Variants in AFTPH observed in about 807,000 individuals in gnomAD.
AFTPH encodes aftiphilin protein.
AFTPH carries 7 observed loss-of-function variants against 72.5 expected under a neutral mutation model. The observed-to-expected ratio is 0.10, with a 90% CI of 0.05 to 0.18. AFTPH has a LOEUF of 0.18. Among genes scored for constraint, AFTPH ranks in the 10% least tolerant of loss-of-function variants. The probability of loss-of-function intolerance (pLI) is 1.00; values close to 1 mark genes in which losing one functional copy is unlikely to be tolerated. For synonymous variants in AFTPH, 337 were observed against 370.1 expected (o/e 0.91, Z 1.03); for missense variants, 979 against 1,060.5 (o/e 0.92, Z 1.07).
exon 2 of AFTPH, chr2:64,552,001 C>G: frequency 6.2e-7 from 1 of 1,613,852 alleles, no homozygotes; most frequent in Non-Finnish European, 8.5e-7. Flanking sequence ...GGTGAAAAGC[C>G]TCCTTGTCTG....
At chr2:64,532,881 T>A (rs574456565) in intron 1 of AFTPH, among the ~76,000 whole-genome samples, 1 of 152,302 alleles carries the variant, frequency 6.6e-6, no homozygotes, top group East Asian at 1.9e-4. Flanking sequence ...ATGGGAAAAT[T>A]TATTTTGTAG....
At chr2:64,530,022 G>A (rs1021170086) in intron 1 of AFTPH, among the ~76,000 whole-genome samples, 10 of 152,040 alleles carry the variant, frequency 6.6e-5, no homozygotes, top group Non-Finnish European at 1.5e-4. Context: ...CAGGCATGGT[G>A]GCGGCCGCCT....
At chr2:64,560,601 G>T (rs1671663159) in intron 2 of AFTPH, among the ~76,000 whole-genome samples, 1 of 152,146 alleles carries the variant, frequency 6.6e-6, no homozygotes, top group South Asian at 2.1e-4. Flanking sequence ...GGCCGGGCAT[G>T]GTGGCTCATG....
At chr2:64,586,833 C>G (rs887462817) in intron 8 of AFTPH, among the ~76,000 whole-genome samples, 3 of 152,078 alleles carry the variant, frequency 2.0e-5, no homozygotes, top group African/African-American at 7.2e-5. Flanking sequence ...ATCGAAACTC[C>G]TCTCATAGAA....
chr2:64,569,349 T>C (rs977369399), intron 4 of AFTPH, 131 bp downstream of exon 4: 9 of 1,223,514 alleles, frequency 7.4e-6, no homozygotes, highest in Non-Finnish European at 9.0e-6. Flanking sequence ...TGTTCACTTA[T>C]ATTGAATGTG....
rs757559539 is a variant in AFTPH at position 64,551,634 on chromosome 2, C to A, written c.160C>A (p.Arg54Ser). 11 of 1,613,966 alleles carry A rather than the reference C, an allele frequency of 6.8e-6. No individual in the cohort carries two copies. The highest frequency in any genetic ancestry group is 8.5e-6 in the Non-Finnish European group (10 of 1,179,974). Residue 54 changes from arginine (R) to serine (S), a missense_variant, in exon 2 of 9, where the codon CGT becomes AGT. By Grantham distance (110) the Arg-to-Ser change is moderately radical (BLOSUM62 -1). Around this residue, in one of 3 missense-constraint regions of AFTPH, gnomAD observed 498 missense variants for 467.6 expected, o/e 1.06. Transcript: ENST00000238856. ...TGATTTCGATACACCAGATTATACT[C>A]GTCCCAAGGAAGAGTTTGTACCTTC...
At chr2:64,568,054 A>AT (rs1307546021) in intron 3 of AFTPH, among the ~76,000 whole-genome samples, 1 of 152,066 alleles carries the variant, frequency 6.6e-6, no homozygotes, top group Non-Finnish European at 1.5e-5. Context: ...AAAAAAAAAA[A>AT]TTAAGGCTCA....
intron 1 of AFTPH, among the ~76,000 whole-genome samples, chr2:64,548,193 A>G (rs1281992774): frequency 6.2e-5 from 9 of 145,886 alleles, no homozygotes; most frequent in Admixed American, 1.3e-4. Flanking sequence ...GGAGATCGAG[A>G]CCATCCTGGC....
At chr2:64,540,985 G>A (rs574263475) in intron 1 of AFTPH, among the ~76,000 whole-genome samples, 17 of 152,008 alleles carry the variant, frequency 1.1e-4, no homozygotes, top group African/African-American at 3.6e-4. Context: ...AATATTTGCC[G>A]TCAATCACGT....
At chr2:64,584,687 TC>T (rs377625535) in intron 7 of AFTPH, among the ~76,000 whole-genome samples, 1,753 of 150,808 alleles carry the variant, frequency 0.012, 39 homozygotes, top group African/African-American at 0.041. Context: ...AGCTCCGCCT[TC>T]CGGGTTCATG....
chr2:64,585,971 A>C (rs978331176), intron 8 of AFTPH, among the ~76,000 whole-genome samples: 1 of 152,088 alleles, frequency 6.6e-6, no homozygotes, highest in Non-Finnish European at 1.5e-5. Flanking sequence ...TGGTTCTTGG[A>C]ATTTTCATTG....
chr2:64,575,616 C>T (rs546429176), intron 6 of AFTPH, among the ~76,000 whole-genome samples: 87 of 148,828 alleles, frequency 5.8e-4, no homozygotes, highest in African/African-American at 1.8e-3. Flanking sequence ...AACCCTGCCT[C>T]GAAAAAAAAA....
chr2:64,562,314 G>A (rs1671789424), intron 2 of AFTPH, among the ~76,000 whole-genome samples: 1 of 149,582 alleles, frequency 6.7e-6, no homozygotes, highest in African/African-American at 2.5e-5. Context: ...TATGCCCCCT[G>A]CAGTCCTAAA....
chr2:64,579,093 G>A (rs191700226), intron 6 of AFTPH: 129 of 158,528 alleles, frequency 8.1e-4, no homozygotes, highest in Non-Finnish European at 9.0e-4. Context: ...CTGGAAAATT[G>A]TAAGGAACCA....
intron 1 of AFTPH, among the ~76,000 whole-genome samples, chr2:64,543,167 C>G (rs920035647): frequency 6.6e-6 from 1 of 152,152 alleles, no homozygotes; most frequent in Admixed American, 6.5e-5. Context: ...ATGCTGTTGG[C>G]TATTTGGATA....
intron 1 of AFTPH, among the ~76,000 whole-genome samples, chr2:64,546,580 T>TC (rs1301815807): frequency 6.6e-6 from 1 of 152,140 alleles, no homozygotes; most frequent in Non-Finnish European, 1.5e-5. Flanking sequence ...CTTTTTTTTT[T>TC]CCATTTTGAA....
At chr2:64,572,587 T>C (rs1230473206) in intron 5 of AFTPH, among the ~76,000 whole-genome samples, 1 of 152,246 alleles carries the variant, frequency 6.6e-6, no homozygotes, top group Non-Finnish European at 1.5e-5. Context: ...AATAATTCTG[T>C]ACTTTAAAAC....
At chr2:64,586,685 C>A (rs904978323) in intron 8 of AFTPH, among the ~76,000 whole-genome samples, 3 of 152,212 alleles carry the variant, frequency 2.0e-5, no homozygotes, top group African/African-American at 7.2e-5. Context: ...CCAGTTCTCT[C>A]CATTGTTCTC....
chr2:64,561,376 T>G (rs1201680165), intron 2 of AFTPH, among the ~76,000 whole-genome samples: 1 of 152,164 alleles, frequency 6.6e-6, no homozygotes, highest in East Asian at 1.9e-4. Context: ...ATGATGGCAT[T>G]TAAAATTCAA....
Sources: gnomAD v4.1 joint callset for allele counts (sites outside exome capture counted in the v4.1 genomes callset) on GRCh38, gnomAD v4.1.1 for gene constraint, gnomAD v4.1.1 regional missense constraint, MANE v1.5 for transcripts, NCBI Gene and HGNC (gene_info 2026-07-23, HGNC 2026-07-21) for gene names.